The following CCDC6 variants were observed in gnomAD, a reference collection of about 807,000 sequenced individuals.
CCDC6 encodes coiled-coil domain containing 6.
Under a neutral mutation model 56.6 loss-of-function variants are expected in CCDC6, and 20 were observed. That is an observed-to-expected ratio of 0.35 (90% confidence interval 0.25 to 0.51). The LOEUF (loss-of-function observed/expected upper bound fraction) is 0.51, where lower values mean the gene tolerates loss of function less well. Among genes scored for constraint, CCDC6 ranks in the 20% least tolerant of loss-of-function variants. CCDC6 has a pLI of 0.95. For missense variants in CCDC6, 367 were observed against 601.1 expected (o/e 0.61, Z 4.07); for synonymous variants, 241 against 234.4 (o/e 1.03, Z -0.26).
Position 59,791,272 on chromosome 10 carries a change from G to C in CCDC6, c.*1645C>G, listed in dbSNP as rs2070464978. On this transcript the variant is annotated 3_prime_UTR_variant, in exon 9 of 9. Transcript: ENST00000263102. ...ATTGAGTGATGTTCTCAGTTTGGGG[G>C]TGGAAGCAGGAAGAGGTGAAAAAAT... 5.0e-6 allele frequency: 1 copy of C among 200,928 alleles called. No individual in the cohort carries two copies. The highest frequency in any genetic ancestry group is 1.0e-5 in the Non-Finnish European group (1 of 97,694). 12.4% of individuals were successfully genotyped at this position (200,928 alleles called of 1,614,324 possible).
At chr10:59,801,825 G>C (rs1236925869) in intron 7 of CCDC6, among the ~76,000 whole-genome samples, 3 of 152,118 alleles carry the variant, frequency 2.0e-5, no homozygotes, top group African/African-American at 7.2e-5. Context: ...TGGTGTTTGG[G>C]AGCTCCTGTA....
intron 1 of CCDC6, among the ~76,000 whole-genome samples, chr10:59,874,545 T>A (rs138118697): frequency 6.6e-5 from 10 of 152,286 alleles, no homozygotes; most frequent in African/African-American, 2.4e-4. Flanking sequence ...CTGCAAACTT[T>A]GCCTCAAGCT....
At chr10:59,850,698 A>AT (rs140703802) in intron 2 of CCDC6, among the ~76,000 whole-genome samples, 28,788 of 151,606 alleles carry the variant, frequency 0.19, 3,507 homozygotes, top group Middle Eastern at 0.29. Context: ...TTAGTCTATG[A>AT]TTTTTTTTTC....
chr10:59,878,335 T>A (rs1478975517), intron 1 of CCDC6, among the ~76,000 whole-genome samples: 1 of 152,172 alleles, frequency 6.6e-6, no homozygotes, highest in Non-Finnish European at 1.5e-5. Flanking sequence ...CCCCCCTTGT[T>A]TATTTCATCT....
intron 1 of CCDC6, among the ~76,000 whole-genome samples, chr10:59,893,615 AATACATACATACATAC>A (rs67669225): frequency 1.7e-3 from 257 of 148,644 alleles, no homozygotes; most frequent in South Asian, 7.0e-3. Context: ...CAAACAAACA[AATACATACATACATAC>A]ATACATACAT....
chr10:59,868,177 A>G (rs1395198779), intron 1 of CCDC6, among the ~76,000 whole-genome samples: 1 of 152,156 alleles, frequency 6.6e-6, no homozygotes, highest in Admixed American at 6.5e-5. Flanking sequence ...GATACTTTTG[A>G]GCTCACAATC....
chr10:59,875,252 T>G (rs2071268407), intron 1 of CCDC6, among the ~76,000 whole-genome samples: 1 of 152,210 alleles, frequency 6.6e-6, no homozygotes, highest in Non-Finnish European at 1.5e-5. Context: ...GATGACCTAT[T>G]ATCTATATAA....
At chr10:59,839,856 T>C (rs1209578212) in intron 2 of CCDC6, among the ~76,000 whole-genome samples, 1 of 152,190 alleles carries the variant, frequency 6.6e-6, no homozygotes, top group Non-Finnish European at 1.5e-5. Flanking sequence ...AGACAGAGTC[T>C]CACTCTGTCG....
At chr10:59,805,674 G>C (rs538986557) in intron 6 of CCDC6, 3 of 152,228 alleles carry the variant, frequency 2.0e-5, no homozygotes, top group South Asian at 4.2e-4. Context: ...GAAGAATGGG[G>C]AACTGTAGTT....
chr10:59,857,093 G>A (rs2071086531), intron 1 of CCDC6, among the ~76,000 whole-genome samples: 1 of 152,128 alleles, frequency 6.6e-6, no homozygotes, highest in South Asian at 2.1e-4. Context: ...AGTAATCACT[G>A]TCTGTTAATG....
Position 59,792,501 on chromosome 10 carries a change from G to T in CCDC6, c.*416C>A, listed in dbSNP as rs1063827. The T allele has an allele frequency of 3.0e-5, 14 of 470,810 alleles. No individual in the cohort carries two copies. The highest frequency in any genetic ancestry group is 2.7e-4 in the African/African-American group (14 of 51,248). 29.2% of individuals were successfully genotyped at this position (470,810 alleles called of 1,614,324 possible). On this transcript the variant is annotated 3_prime_UTR_variant, in exon 9 of 9. Transcript: ENST00000263102. ...TGTTTGGTAAACACTATTATAATGA[G>T]AGGAGGGTAACAACAGCTCAGTAAT... is the stretch of plus-strand genomic sequence containing the variant.
At chr10:59,872,990 G>A (rs1268525727) in intron 1 of CCDC6, among the ~76,000 whole-genome samples, 1 of 152,170 alleles carries the variant, frequency 6.6e-6, no homozygotes, top group East Asian at 1.9e-4. Flanking sequence ...CGTTCACTTG[G>A]TGGCAAGCCT....
chr10:59,869,149 T>A (rs1037264739), intron 1 of CCDC6, among the ~76,000 whole-genome samples: 1 of 151,884 alleles, frequency 6.6e-6, no homozygotes, highest in Admixed American at 6.6e-5. Context: ...CACGCCCTAA[T>A]GATCTCAGTG....
intron 1 of CCDC6, among the ~76,000 whole-genome samples, chr10:59,904,752 T>G (rs1419654875): frequency 6.6e-6 from 1 of 152,254 alleles, no homozygotes; most frequent in Non-Finnish European, 1.5e-5. Flanking sequence ...AAGTTTCTTT[T>G]TACAATCAAC....
chr10:59,885,026 C>T (rs1019979671), intron 1 of CCDC6, among the ~76,000 whole-genome samples: 3 of 150,802 alleles, frequency 2.0e-5, no homozygotes, highest in Non-Finnish European at 4.4e-5. Context: ...ATCGTGCCAC[C>T]GCACTCCAGC....
intron 1 of CCDC6, among the ~76,000 whole-genome samples, chr10:59,902,728 G>A (rs1452904736): frequency 6.6e-6 from 1 of 152,176 alleles, no homozygotes; most frequent in Non-Finnish European, 1.5e-5. Context: ...TTCACTGTTG[G>A]TGGGAATGAA....
intron 1 of CCDC6, among the ~76,000 whole-genome samples, chr10:59,887,197 G>A (rs566400296): frequency 3.9e-5 from 6 of 152,042 alleles, no homozygotes; most frequent in South Asian, 2.1e-4. Flanking sequence ...TACTCTCTGC[G>A]GTATGACTTT....
chr10:59,884,269 A>G (rs1396424949), intron 1 of CCDC6, among the ~76,000 whole-genome samples: 1 of 152,248 alleles, frequency 6.6e-6, no homozygotes, highest in African/African-American at 2.4e-5. Context: ...TCCCTGCTAC[A>G]GGACCAAAAA....
At chr10:59,872,598 T>C in intron 1 of CCDC6, among the ~76,000 whole-genome samples, 1 of 152,314 alleles carries the variant, frequency 6.6e-6, no homozygotes, top group East Asian at 1.9e-4. Context: ...AGGTTATTGA[T>C]GTATGAACAT....
Sources: allele counts gnomAD v4.1 joint callset (sites outside exome capture counted in the v4.1 genomes callset), GRCh38; gene constraint gnomAD v4.1.1; transcripts MANE v1.5; gene names NCBI Gene and HGNC (gene_info 2026-07-23, HGNC 2026-07-21).